Variants in ESRRG observed in about 807,000 individuals in gnomAD.
The protein encoded by ESRRG is estrogen related receptor gamma.
Under a neutral mutation model 44.0 loss-of-function variants are expected in ESRRG, and 13 were observed. The ratio of observed to expected loss-of-function variants is 0.30; its 90% CI spans 0.19 to 0.47. The LOEUF (loss-of-function observed/expected upper bound fraction) is 0.47, where lower values mean the gene tolerates loss of function less well. ESRRG is among the 20% of genes least tolerant of loss of function. The pLI is 1.00. For missense variants in ESRRG, 395 were observed against 580.6 expected, an observed-to-expected ratio of 0.68 and a Z score of 3.29; for synonymous variants, 215 against 214.6, an observed-to-expected ratio of 1.00 and a Z score of -0.02.
intron 1 of ESRRG, among the ~76,000 whole-genome samples, chr1:217,109,343 C>A (rs1415444731): frequency 6.6e-6 from 1 of 152,142 alleles, no homozygotes; most frequent in Non-Finnish European, 1.5e-5. Flanking sequence ...AGATGGACTA[C>A]AAACTCTTTT....
intron 1 of ESRRG, among the ~76,000 whole-genome samples, chr1:216,946,889 AG>A (rs1360303530): frequency 6.6e-6 from 1 of 151,852 alleles, no homozygotes; most frequent in African/African-American, 2.4e-5. Flanking sequence ...TAGTAGCAAC[AG>A]GGTTTCACCA....
intron 5 of ESRRG, among the ~76,000 whole-genome samples, chr1:216,555,083 C>T (rs1206274538): frequency 2.6e-5 from 4 of 152,160 alleles, no homozygotes; most frequent in African/African-American, 7.2e-5. Flanking sequence ...ATCAAAACCA[C>T]ACTTTGTTTC....
chr1:216,630,589 C>T (rs946181180), intron 3 of ESRRG, among the ~76,000 whole-genome samples: 30 of 152,070 alleles, frequency 2.0e-4, no homozygotes, highest in African/African-American at 6.0e-4. Context: ...GAAACCCTCC[C>T]GAGCCCTTAA....
At chr1:217,117,668 C>T (rs1232667897) in intron 1 of ESRRG, among the ~76,000 whole-genome samples, 1 of 152,014 alleles carries the variant, frequency 6.6e-6, no homozygotes, top group Non-Finnish European at 1.5e-5. Flanking sequence ...ATAATAAGCA[C>T]TCAACAAATA....
At chr1:216,590,135 C>T (rs145932668) in intron 3 of ESRRG, among the ~76,000 whole-genome samples, 192 of 151,850 alleles carry the variant, frequency 1.3e-3, no homozygotes, top group Non-Finnish European at 2.2e-3. Flanking sequence ...TATCACAGAT[C>T]CTTATCTATG....
chr1:216,839,947 T>A (rs1202727416), intron 2 of ESRRG, among the ~76,000 whole-genome samples: 1 of 152,252 alleles, frequency 6.6e-6, no homozygotes, highest in Non-Finnish European at 1.5e-5. Flanking sequence ...AGCATCATTC[T>A]TAGGAGCCCT....
At chr1:217,049,308 G>A (rs1440035420) in intron 1 of ESRRG, among the ~76,000 whole-genome samples, 1 of 152,170 alleles carries the variant, frequency 6.6e-6, no homozygotes, top group Non-Finnish European at 1.5e-5. Flanking sequence ...CCAAGAAGGA[G>A]AATGAAGCCG....
intron 2 of ESRRG, among the ~76,000 whole-genome samples, chr1:216,847,650 T>C (rs12086903): frequency 0.29 from 44,012 of 151,856 alleles, 7,167 homozygotes; most frequent in African/African-American, 0.44. Flanking sequence ...TTAAGCATAT[T>C]GTCTCTCTCT....
intron 6 of ESRRG, among the ~76,000 whole-genome samples, chr1:216,512,169 CAAAAAGAGACAGAAA>C (rs2042908462): frequency 6.6e-6 from 1 of 152,108 alleles, no homozygotes; most frequent in Non-Finnish European, 1.5e-5. Flanking sequence ...GCTAACATCA[CAAAAAGAGACAGAAA>C]CAAACATTAT....
intron 2 of ESRRG, among the ~76,000 whole-genome samples, chr1:216,775,718 TTTTA>T (rs1402475578): frequency 6.6e-6 from 1 of 151,434 alleles, no homozygotes; most frequent in African/African-American, 2.4e-5. Flanking sequence ...TGCCTAGCTA[TTTTA>T]TTTATTTATT....
chr1:216,692,787 T>A (rs761811356), intron 1 of ESRRG, among the ~76,000 whole-genome samples: 11 of 152,214 alleles, frequency 7.2e-5, no homozygotes, highest in Non-Finnish European at 1.2e-4. Flanking sequence ...CTTATGTAGA[T>A]ACACAAATAC....
chr1:217,106,338 C>T lies in ESRRG; in HGVS notation c.-230+31329G>A, dbSNP rs540111329. Among the ~76,000 whole-genome samples the T allele has an allele frequency of 1.8e-3, 272 of 151,994 alleles. 1 individual carries two copies. The highest frequency in any genetic ancestry group is 2.4e-3 in the Admixed American group (37 of 15,218). ...TGTCCTTCTCTGTTCAGCCACCATT[C>T]GGGAAGCCCCTCGTTTATACCACAC... On this transcript the variant is annotated intron_variant, in intron 1 of 8. Coordinates refer to the ESRRG transcript ENST00000366940.
At chr1:216,961,442 A>G (rs2069037767) in intron 1 of ESRRG, among the ~76,000 whole-genome samples, 1 of 152,206 alleles carries the variant, frequency 6.6e-6, no homozygotes, top group Non-Finnish European at 1.5e-5. Context: ...AAAGAAAATA[A>G]AAGAAACCAC....
chr1:216,551,632 TA>T, intron 5 of ESRRG, among the ~76,000 whole-genome samples: 1 of 152,238 alleles, frequency 6.6e-6, no homozygotes, highest in Non-Finnish European at 1.5e-5. Context: ...TCGGGTTAAT[TA>T]AAACCCGTGG....
At chr1:216,682,441 T>C (rs1047807205) in intron 1 of ESRRG, among the ~76,000 whole-genome samples, 1 of 152,180 alleles carries the variant, frequency 6.6e-6, no homozygotes, top group Non-Finnish European at 1.5e-5. Flanking sequence ...ATTTCCAATG[T>C]TTTTGTATAA....
intron 5 of ESRRG, among the ~76,000 whole-genome samples, chr1:216,526,548 T>C (rs928201858): frequency 6.6e-6 from 1 of 152,150 alleles, no homozygotes; most frequent in African/African-American, 2.4e-5. Flanking sequence ...CACCTGCTCT[T>C]GGGCTTCCAA....
Position 216,719,209 on chromosome 1 carries a change from A to G in ESRRG, c.56+4035T>C, listed in dbSNP as rs190521640. 4.5e-3 allele frequency among the ~76,000 whole-genome samples: 687 copies of G among 152,078 alleles called. 2 individuals are homozygous for G. Among genetic ancestry groups the G allele is most frequent in the Non-Finnish European group, 7.9e-3 (533 of 67,868 alleles). On this transcript the variant is annotated intron_variant, in intron 1 of 6. Transcript: ENST00000408911. ...TCTGTAATTCTTGCAGGAGTGAGGT[A>G]TTGCAAAAGTATTGTTAAATAGAAT...
chr1:216,660,007 T>C (rs951508764), intron 2 of ESRRG, among the ~76,000 whole-genome samples: 4 of 152,214 alleles, frequency 2.6e-5, no homozygotes, highest in Non-Finnish European at 4.4e-5. Context: ...CTTCAAATTA[T>C]TCATTAAAAA....
chr1:216,695,101 T>C (rs1028903038), intron 1 of ESRRG, among the ~76,000 whole-genome samples: 1 of 152,126 alleles, frequency 6.6e-6, no homozygotes, highest in Non-Finnish European at 1.5e-5. Context: ...AGATGAATAT[T>C]ATGGGAATCA....
Sources: gnomAD v4.1 joint callset for allele counts (sites outside exome capture counted in the v4.1 genomes callset) on GRCh38, gnomAD v4.1.1 for gene constraint, MANE v1.5 for transcripts, NCBI Gene and HGNC (gene_info 2026-07-23, HGNC 2026-07-21) for gene names.